The following TFAP2D variants were observed in gnomAD, a reference collection of about 807,000 sequenced individuals.
The protein encoded by TFAP2D is transcription factor AP-2 delta, also known as transcription factor AP-2-delta.
In TFAP2D, 9 loss-of-function variants were observed where a neutral mutation model predicts 43.6. That is an observed-to-expected ratio of 0.21 (90% confidence interval 0.12 to 0.36). The LOEUF (loss-of-function observed/expected upper bound fraction) is 0.36. Ranked by LOEUF, TFAP2D falls within the 10% of genes least tolerant of loss-of-function variation. TFAP2D has a pLI of 1.00. For missense variants in TFAP2D, 513 were observed against 561.4 expected, an observed-to-expected ratio of 0.91 and a Z score of 0.87; for synonymous variants, 256 against 224.9, an observed-to-expected ratio of 1.14 and a Z score of -1.24.
intron 2 of TFAP2D, among the ~76,000 whole-genome samples, chr6:50,717,836 T>G (rs145327268): frequency 7.8e-4 from 118 of 151,842 alleles, no homozygotes; most frequent in Non-Finnish European, 1.4e-3. Flanking sequence ...GGGGAGGGAG[T>G]GTGTGGGAGA....
intron 4 of TFAP2D, 74 bp from the exon 5 acceptor site, chr6:50,729,120 T>A: frequency 1.9e-6 from 3 of 1,602,914 alleles, no homozygotes; most frequent in Non-Finnish European, 2.6e-6. Flanking sequence ...GTATTCCCCA[T>A]GTGGTCAAGT....
chr6:50,755,383 T>C (rs1769249543), intron 7 of TFAP2D, among the ~76,000 whole-genome samples: 1 of 150,976 alleles, frequency 6.6e-6, no homozygotes, highest in Admixed American at 6.6e-5. Flanking sequence ...TCTTTACAAG[T>C]ATATTTCTTA....
Position 50,715,148 on chromosome 6 carries a change from G to T in TFAP2D, c.72G>T (p.Leu24Phe). ...IRHDGSNSYR[L>F]MQLGCLESVA... ...ACGACGGATCAAACAGCTACCGTTT[G>T]ATGCAGCTTGGCTGTCTGGAGTCAG... Residue 24 changes from leucine to phenylalanine, a missense_variant, in exon 2 of 8, where the codon TTG (leucine) becomes TTT (phenylalanine). This residue lies in a region of TFAP2D where 311 missense variants were observed against 316.2 expected (regional missense o/e 0.98). Coordinates refer to ENST00000008391, the MANE Select transcript of TFAP2D (RefSeq NM_172238.4). 6.2e-7 allele frequency: 1 copy of T among 1,614,048 alleles called. No homozygotes were observed. The highest frequency in any genetic ancestry group is 1.1e-5 in the South Asian group (1 of 91,078).
At chr6:50,757,549 C>CTATATATATAGAATAT (rs1242346697) in intron 7 of TFAP2D, among the ~76,000 whole-genome samples, 1 of 35,220 alleles carries the variant, frequency 2.8e-5, no homozygotes, top group Non-Finnish European at 5.4e-5. Flanking sequence ...ATATAGAATA[C>CTATATATATAGAATAT]ATATAATTAT....
rs1442250327 is a variant in TFAP2D, at chr6:50,749,550, C to T, written c.1026-1661C>T. 6.6e-5 allele frequency among the ~76,000 whole-genome samples: 10 copies of T among 151,826 alleles called. No individual in the cohort carries two copies. In the East Asian group the frequency reaches 1.5e-3, roughly 24 times the overall value. ...GTAATTTGGAAATGATAGCATGAGG[C>T]TAAATTTAAAATTTTAGTTAGAAAT... On this transcript the variant is annotated intron_variant, in intron 6 of 7. Transcript: ENST00000008391.
chr6:50,715,681 T>C (rs1768610576), intron 2 of TFAP2D, 68 bp downstream of exon 2: 1 of 1,502,578 alleles, frequency 6.7e-7, no homozygotes, highest in Admixed American at 2.1e-5. Context: ...GCCCCATTAA[T>C]GCTCCGACTG....
At chr6:50,735,152 CA>C (rs1172777836) in intron 5 of TFAP2D, among the ~76,000 whole-genome samples, 1 of 152,022 alleles carries the variant, frequency 6.6e-6, no homozygotes, top group Non-Finnish European at 1.5e-5. Context: ...TCATTATTCT[CA>C]AATGAGAAAA....
At chr6:50,733,126 G>C (rs902180232) in intron 5 of TFAP2D, among the ~76,000 whole-genome samples, 2 of 152,036 alleles carry the variant, frequency 1.3e-5, no homozygotes, top group Non-Finnish European at 2.9e-5. Context: ...AAAGTTGTTT[G>C]AAAAGTGAAC....
rs993015551 is a variant in TFAP2D at position 50,721,776 on chromosome 6, A to G, written c.598+2626A>G. 2.6e-5 allele frequency among the ~76,000 whole-genome samples: 4 copies of G among 152,166 alleles called. No homozygotes were observed. In the East Asian group the frequency reaches 5.8e-4, roughly 22 times the overall value. On this transcript the variant is annotated intron_variant, in intron 3 of 7. Transcript: ENST00000008391. ...GAAACATGATTTATTGCAAAGCACAATTTTTCACCATTTTCTCTTTTCTGC... is the reference window on the plus strand; with the variant it reads ...GAAACATGATTTATTGCAAAGCACAGTTTTTCACCATTTTCTCTTTTCTGC...
At chr6:50,767,140 T>C (rs551030810) in intron 7 of TFAP2D, among the ~76,000 whole-genome samples, 1 of 152,364 alleles carries the variant, frequency 6.6e-6, no homozygotes, top group South Asian at 2.1e-4. Context: ...AATTGAACTT[T>C]TTCCTTTCTG....
At chr6:50,733,619 G>T (rs887733805) in intron 5 of TFAP2D, among the ~76,000 whole-genome samples, 3 of 152,064 alleles carry the variant, frequency 2.0e-5, no homozygotes, top group Non-Finnish European at 2.9e-5. Context: ...TATTATTCTT[G>T]AATTGGCAAC....
intron 3 of TFAP2D, among the ~76,000 whole-genome samples, chr6:50,721,947 A>G (rs866211764): frequency 6.6e-6 from 1 of 152,226 alleles, no homozygotes; most frequent in African/African-American, 2.4e-5. Context: ...AATCAGGGAC[A>G]TTGTCCTGGT....
intron 3 of TFAP2D, among the ~76,000 whole-genome samples, chr6:50,727,804 A>G (rs1354997842): frequency 6.6e-6 from 1 of 152,184 alleles, no homozygotes; most frequent in East Asian, 1.9e-4. Context: ...TGCTCAATGC[A>G]TTAGGCGGTT....
chr6:50,767,193 T>C (rs1453388907), intron 7 of TFAP2D, among the ~76,000 whole-genome samples: 1 of 152,206 alleles, frequency 6.6e-6, no homozygotes, highest in Non-Finnish European at 1.5e-5. Context: ...AATAGTTCTG[T>C]CTAGGACTGC....
intron 5 of TFAP2D, among the ~76,000 whole-genome samples, chr6:50,737,462 TAA>T (rs1223510823): frequency 6.6e-6 from 1 of 152,170 alleles, no homozygotes; most frequent in Non-Finnish European, 1.5e-5. Flanking sequence ...TTGATTAATA[TAA>T]GTTTAAATAA....
At chr6:50,735,022 C>G (rs1768943458) in intron 5 of TFAP2D, among the ~76,000 whole-genome samples, 1 of 152,108 alleles carries the variant, frequency 6.6e-6, no homozygotes, top group African/African-American at 2.4e-5. Context: ...CATAACTTGT[C>G]TGAGCATAAG....
Position 50,715,465 on chromosome 6 carries a change from A to G in TFAP2D, c.389A>G (p.Gln130Arg). The G allele has an allele frequency of 6.2e-7, 1 of 1,614,110 alleles. No homozygotes were observed. The highest frequency in any genetic ancestry group is 2.2e-5 in the East Asian group (1 of 44,852). Reference protein sequence around the residue: ...RALKSSCLDEQRRELGCLDAY... With the variant: ...RALKSSCLDERRRELGCLDAY... ...CTCAAGTCGTCCTGCCTGGACGAGCAGAGGCGGGAGCTGGGCTGCCTCGAT... is the reference window on the plus strand; with the variant it reads ...CTCAAGTCGTCCTGCCTGGACGAGCGGAGGCGGGAGCTGGGCTGCCTCGAT... Residue 130 changes from glutamine to arginine, a missense_variant, in exon 2 of 8, where the codon CAG becomes CGG. Coordinates refer to ENST00000008391, the MANE Select transcript of TFAP2D (RefSeq NM_172238.4).
chr6:50,728,748 G>A, intron 3 of TFAP2D, 108 bp from the exon 4 acceptor site: 1 of 1,095,578 alleles, frequency 9.1e-7, no homozygotes, highest in East Asian at 2.4e-5. Flanking sequence ...AAGTACAACT[G>A]TTAGCATGTA....
At chr6:50,769,844 T>C (rs922242012) in intron 7 of TFAP2D, among the ~76,000 whole-genome samples, 16 of 152,352 alleles carry the variant, frequency 1.1e-4, no homozygotes, top group Admixed American at 6.5e-4. Context: ...TATTATCTAG[T>C]TCTTAGTGTT....
Sources: allele counts gnomAD v4.1 joint callset (sites outside exome capture counted in the v4.1 genomes callset), GRCh38; gene constraint gnomAD v4.1.1; regional missense constraint gnomAD v4.1.1; transcripts MANE v1.5; gene names NCBI Gene and HGNC (gene_info 2026-07-23, HGNC 2026-07-21).